PLA2G4A: variants seen among roughly 807,000 people sequenced by gnomAD.
PLA2G4A encodes the protein cytosolic phospholipase A2.
Under a neutral mutation model 81.9 loss-of-function variants are expected in PLA2G4A, and 40 were observed. That is an observed-to-expected ratio of 0.49 (90% CI 0.38 to 0.64). The LOEUF is 0.64. PLA2G4A is among the 30% of genes least tolerant of loss of function. The pLI, the probability that PLA2G4A is intolerant of heterozygous loss-of-function variation, is 0.00. For synonymous variants in PLA2G4A, 302 were observed against 296.9 expected, an observed-to-expected ratio of 1.02 and a Z score of -0.18; for missense variants, 715 against 905.1, an observed-to-expected ratio of 0.79 and a Z score of 2.69.
chr1:186,951,765 G>A (rs748223430), intron 13 of PLA2G4A, among the ~76,000 whole-genome samples: 1 of 152,064 alleles, frequency 6.6e-6, no homozygotes, highest in Non-Finnish European at 1.5e-5. Context: ...GCTGCACAGG[G>A]CCATGGCTTG....
chr1:186,977,884 A>G, intron 16 of PLA2G4A, 96 bp downstream of exon 16: 2 of 832,466 alleles, frequency 2.4e-6, no homozygotes, highest in Non-Finnish European at 4.2e-6. Context: ...TGTACCAGCT[A>G]TTACACTATT....
chr1:186,988,698 G>A lies in PLA2G4A; in HGVS notation c.*190G>A. ...TAGGTTGACAAATGATGTTGATTATGTAAGGATATACTTAGCTACATTTTC... is the reference window on the plus strand; with the variant it reads ...TAGGTTGACAAATGATGTTGATTATATAAGGATATACTTAGCTACATTTTC... On this transcript the variant is annotated 3_prime_UTR_variant, in exon 18 of 18. Transcript: ENST00000367466. The A allele has an allele frequency of 3.9e-6, 2 of 512,192 alleles. No homozygotes were observed. The highest frequency in any genetic ancestry group is 7.3e-6 in the Non-Finnish European group (2 of 274,274). 31.7% of individuals were successfully genotyped at this position (512,192 alleles called of 1,614,324 possible).
At chr1:186,986,388 G>A (rs1413161002) in intron 17 of PLA2G4A, among the ~76,000 whole-genome samples, 1 of 152,202 alleles carries the variant, frequency 6.6e-6, no homozygotes, top group Non-Finnish European at 1.5e-5. Flanking sequence ...TTTATGCAAT[G>A]AGGGTTGATG....
At chr1:186,947,770 A>C (rs563246092) in intron 12 of PLA2G4A, among the ~76,000 whole-genome samples, 2 of 152,314 alleles carry the variant, frequency 1.3e-5, no homozygotes, top group African/African-American at 4.8e-5. Flanking sequence ...ACCTGGGAGA[A>C]GTGCCTGATG....
intron 15 of PLA2G4A, among the ~76,000 whole-genome samples, chr1:186,970,756 A>G (rs533389671): frequency 6.6e-6 from 1 of 152,036 alleles, no homozygotes; most frequent in South Asian, 2.1e-4. Context: ...ATTCTGTTTC[A>G]TTGGTCTATA....
chr1:186,904,000 T>G (rs1654641849), intron 5 of PLA2G4A, among the ~76,000 whole-genome samples: 1 of 152,202 alleles, frequency 6.6e-6, no homozygotes, highest in African/African-American at 2.4e-5. Context: ...GCTTCACTAT[T>G]TCAAAATGAC....
At chr1:186,872,814 G>T (rs948637302) in intron 3 of PLA2G4A, among the ~76,000 whole-genome samples, 1 of 152,086 alleles carries the variant, frequency 6.6e-6, no homozygotes, top group Non-Finnish European at 1.5e-5. Flanking sequence ...CTGGGACAGG[G>T]AACATTTAGG....
chr1:186,869,813 T>TA (rs1469040552), intron 2 of PLA2G4A, among the ~76,000 whole-genome samples: 1 of 152,252 alleles, frequency 6.6e-6, no homozygotes, highest in Non-Finnish European at 1.5e-5. Context: ...AATTGTTTGA[T>TA]AACTGTTTCC....
At chr1:186,912,165 C>T (rs898748374) in intron 7 of PLA2G4A, among the ~76,000 whole-genome samples, 2 of 152,050 alleles carry the variant, frequency 1.3e-5, no homozygotes, top group Non-Finnish European at 2.9e-5. Context: ...CATTAGCACC[C>T]CCAGAAAGAA....
intron 6 of PLA2G4A, among the ~76,000 whole-genome samples, chr1:186,907,654 A>C (rs754870688): frequency 5.3e-5 from 8 of 152,182 alleles, no homozygotes; most frequent in Non-Finnish European, 4.4e-5. Flanking sequence ...GATTTGACCA[A>C]AGTTATTAGT....
At chr1:186,935,049 C>A (rs572988056) in intron 8 of PLA2G4A, among the ~76,000 whole-genome samples, 5 of 151,678 alleles carry the variant, frequency 3.3e-5, no homozygotes, top group Admixed American at 2.6e-4. Context: ...GAAAATAAAA[C>A]CCTAATGGAG....
Position 186,854,333 on chromosome 1 carries a change from A to T in PLA2G4A, c.-22A>T, listed in dbSNP as rs1652478425. The stretch of plus-strand genomic sequence containing the variant: ...AAAGAAGACTTTGAAGTGTGAAAAC[A>T]TTTCCTGTAATTGAAACCAAAATGT... On this transcript the variant is annotated 5_prime_UTR_variant, in exon 2 of 18. Coordinates refer to ENST00000367466, the MANE Select transcript of PLA2G4A (RefSeq NM_024420.3). 2 of 1,482,842 alleles carry T rather than the reference A, an allele frequency of 1.3e-6. No individual in the cohort carries two copies. The highest frequency in any genetic ancestry group is 1.4e-5 in the African/African-American group (1 of 72,236). 91.9% of individuals were successfully genotyped at this position (1,482,842 alleles called of 1,614,324 possible).
chr1:186,839,965 C>CTTTTT (rs61704569), intron 1 of PLA2G4A, among the ~76,000 whole-genome samples: 9 of 75,020 alleles, frequency 1.2e-4, no homozygotes, highest in Non-Finnish European at 2.1e-4. Context: ...TAATTGACTT[C>CTTTTT]TTTTTTTTTT....
chr1:186,862,809 A>G (rs763427092), intron 2 of PLA2G4A, among the ~76,000 whole-genome samples: 2 of 152,190 alleles, frequency 1.3e-5, no homozygotes, highest in African/African-American at 4.8e-5. Context: ...ATGCTACTTC[A>G]TGTGTTCTAA....
chr1:186,956,606 T>TG (rs1363467794), intron 14 of PLA2G4A, among the ~76,000 whole-genome samples: 1 of 152,036 alleles, frequency 6.6e-6, no homozygotes, highest in African/African-American at 2.4e-5. Context: ...CCTTAATTCC[T>TG]GGGCTGCAGC....
At chr1:186,888,553 G>GTTAC (rs1654021115) in intron 3 of PLA2G4A, among the ~76,000 whole-genome samples, 1 of 152,146 alleles carries the variant, frequency 6.6e-6, no homozygotes, top group South Asian at 2.1e-4. Flanking sequence ...GGGTGACTGA[G>GTTAC]TTACTAGTCA....
chr1:186,960,123 CAT>C lies in PLA2G4A; in HGVS notation c.1579+3780_1579+3781del, dbSNP rs148709067. ...AATTATAATAGGATAAAATTCCACT[CAT>C]GTGTTTACTGCAAAATAGTTGTGTA... On this transcript the variant is annotated intron_variant, in intron 14 of 17. Coordinates refer to ENST00000367466, the MANE Select transcript of PLA2G4A (RefSeq NM_024420.3). 5.5e-3 allele frequency among the ~76,000 whole-genome samples: 836 copies of C among 152,210 alleles called. 6 individuals are homozygous for C. The highest frequency in any genetic ancestry group is 0.019 in the African/African-American group (792 of 41,538).
chr1:186,925,708 C>T (rs753123328), intron 7 of PLA2G4A, among the ~76,000 whole-genome samples: 12 of 152,190 alleles, frequency 7.9e-5, no homozygotes, highest in Admixed American at 6.5e-5. Context: ...ACCCCTAAGT[C>T]TAAGCTAGTT....
In PLA2G4A at chr1:186,836,574, G is replaced by A. The variant is rs1025743762; in HGVS notation, c.-70+7539G>A. 3.3e-5 allele frequency among the ~76,000 whole-genome samples: 5 copies of A among 152,284 alleles called. No homozygotes were observed. In the South Asian group the frequency reaches 1.0e-3, roughly 32 times the overall value. On this transcript the variant is annotated intron_variant, in intron 1 of 17. Coordinates refer to ENST00000367466, the MANE Select transcript of PLA2G4A (RefSeq NM_024420.3). ...CTTAGAAAAAGAACAGGTATTGTAT[G>A]AAGCTATTTAGATAATATCTACTCT... is the stretch of plus-strand genomic sequence containing the variant.
Sources: gnomAD v4.1 joint callset for allele counts (sites outside exome capture counted in the v4.1 genomes callset) on GRCh38, gnomAD v4.1.1 for gene constraint, MANE v1.5 for transcripts, NCBI Gene and HGNC (gene_info 2026-07-23, HGNC 2026-07-21) for gene names.